The following ADAM12 variants were observed in gnomAD, a reference collection of about 807,000 sequenced individuals.
ADAM12 encodes the protein ADAM metallopeptidase domain 12.
A neutral mutation model predicts 106.4 loss-of-function variants in ADAM12; 70 were observed. The ratio of observed to expected loss-of-function variants is 0.66; its 90% CI spans 0.54 to 0.80. ADAM12 has a LOEUF of 0.80. Among genes scored for constraint, ADAM12 ranks in the 30% least tolerant of loss-of-function variants. The pLI is 0.00. For synonymous variants in ADAM12, 420 were observed against 433.5 expected, an observed-to-expected ratio of 0.97 and a Z score of 0.39; for missense variants, 1,010 against 1,171.9, an observed-to-expected ratio of 0.86 and a Z score of 2.02.
At chr10:126,197,219 G>A (rs1957613375) in intron 3 of ADAM12, among the ~76,000 whole-genome samples, 1 of 152,214 alleles carries the variant, frequency 6.6e-6, no homozygotes, top group African/African-American at 2.4e-5. Flanking sequence ...TGGTTGGAAA[G>A]GGCACTGACT....
chr10:126,220,141 A>C (rs1190441823), intron 3 of ADAM12, among the ~76,000 whole-genome samples: 1 of 152,154 alleles, frequency 6.6e-6, no homozygotes, highest in Non-Finnish European at 1.5e-5. Flanking sequence ...GGAAGCCTCC[A>C]CTCTTCAGAG....
At chr10:126,192,066 C>T (rs7896840) in intron 3 of ADAM12, among the ~76,000 whole-genome samples, 41,212 of 151,974 alleles carry the variant, frequency 0.27, 7,322 homozygotes, top group East Asian at 0.51. Context: ...TGCCCCCGGC[C>T]CCATCCAATC....
intron 12 of ADAM12, among the ~76,000 whole-genome samples, chr10:126,067,357 T>C (rs1954892682): frequency 6.6e-6 from 1 of 152,248 alleles, no homozygotes; most frequent in Non-Finnish European, 1.5e-5. Context: ...TTGTCTGGCC[T>C]GACAATTCCA....
At chr10:126,221,179 T>A (rs1321773106) in intron 3 of ADAM12, among the ~76,000 whole-genome samples, 3 of 151,344 alleles carry the variant, frequency 2.0e-5, no homozygotes, top group Non-Finnish European at 4.4e-5. Flanking sequence ...AGGTCAGGAG[T>A]TCGAGACCAG....
chr10:126,079,188 C>T (rs1955161976), intron 11 of ADAM12, among the ~76,000 whole-genome samples: 1 of 152,126 alleles, frequency 6.6e-6, no homozygotes, highest in Non-Finnish European at 1.5e-5. Flanking sequence ...ACATAAAATT[C>T]ATCCTTTAAG....
chr10:126,214,066 A>G (rs142690883), intron 3 of ADAM12, among the ~76,000 whole-genome samples: 3 of 152,380 alleles, frequency 2.0e-5, no homozygotes, highest in African/African-American at 7.2e-5. Flanking sequence ...GACACTGGAA[A>G]CCACTATAAT....
chr10:126,098,543 G>A lies in ADAM12; in HGVS notation c.912-43C>T, dbSNP rs768699279. On this transcript the variant is annotated intron_variant, in intron 9 of 22. Transcript: ENST00000448723. The stretch of plus-strand genomic sequence containing the variant: ...GGACTTTCTTTAATCAAATTAGAAC[G>A]GGGGCATTCTCTAATATTTAAAAAT... The A allele has an allele frequency of 6.7e-5, 101 of 1,505,040 alleles. 2 individuals are homozygous for A. Among genetic ancestry groups the A allele is most frequent in the South Asian group, 5.0e-4 (44 of 88,028 alleles). 93.2% of individuals were successfully genotyped at this position (1,505,040 alleles called of 1,614,324 possible). A position where few individuals can be genotyped will look rare whatever the true frequency, so the allele number is the denominator to read the frequency against.
chr10:126,117,893 T>G (rs80091225), intron 6 of ADAM12, 145 bp downstream of exon 6: 1 of 157,558 alleles, frequency 6.3e-6, no homozygotes, highest in Non-Finnish European at 1.0e-5. Context: ...GTATAATGTC[T>G]ACCACCTCCA....
chr10:126,374,576 T>G (rs1242444143), intron 1 of ADAM12, among the ~76,000 whole-genome samples: 1 of 152,096 alleles, frequency 6.6e-6, no homozygotes, highest in Non-Finnish European at 1.5e-5. Flanking sequence ...AAATGTGAAG[T>G]CAATAGACAG....
chr10:126,215,879 A>C (rs569431474), intron 3 of ADAM12, among the ~76,000 whole-genome samples: 1 of 152,188 alleles, frequency 6.6e-6, no homozygotes, highest in Non-Finnish European at 1.5e-5. Context: ...AAATGGCATC[A>C]ATATTTTGAC....
chr10:126,038,327 G>A lies in ADAM12; in HGVS notation c.2263C>T (p.Pro755Ser). The A allele has an allele frequency of 1.2e-6, 2 of 1,605,486 alleles. No individual in the cohort carries two copies. Among genetic ancestry groups the A allele is most frequent in the South Asian group, 1.1e-5 (1 of 89,970 alleles). ...KLRCVRPSRP[P>S]RGFQPCQAHL... ...GCCTGACAGGGTTGGAAGCCACGGG[G>A]TGGCCGGGAAGGGCGCACACACCTG... The change falls in exon 20 of 23, where the codon CCC becomes TCC. Residue 755 changes from proline to serine, a missense_variant. By Grantham distance (74) the Pro-to-Ser change is moderately conservative. Around this residue, in one of 3 missense-constraint regions of ADAM12, gnomAD observed 615 missense variants for 708.5 expected, o/e 0.87. Transcript: ENST00000448723.
intron 3 of ADAM12, among the ~76,000 whole-genome samples, chr10:126,184,692 T>C (rs1331490305): frequency 2.6e-5 from 4 of 152,180 alleles, no homozygotes; most frequent in Non-Finnish European, 5.9e-5. Context: ...CACGCTTCAG[T>C]TCTGTCTCTT....
intron 14 of ADAM12, among the ~76,000 whole-genome samples, chr10:126,052,654 CAA>C (rs770474841): frequency 2.0e-5 from 3 of 151,956 alleles, no homozygotes; most frequent in Non-Finnish European, 2.9e-5. Context: ...AGGATAAAAA[CAA>C]AGAGAGGAAG....
chr10:126,132,045 G>A (rs1361363375), intron 5 of ADAM12, among the ~76,000 whole-genome samples: 2 of 151,140 alleles, frequency 1.3e-5, no homozygotes, highest in East Asian at 2.0e-4. Context: ...GTACAATCTC[G>A]GCTCACTGCA....
At position 126,049,316 on chromosome 10, in the gene ADAM12, G is replaced by T; in HGVS notation, c.1854C>A (p.Tyr618Ter). ...GRILCRGTHV[Y>*]LGDDMPDPGL... ...CTGGGTCCGGCATGTCATCGCCCAA[G>T]TACACGTGGGTCCCCCGGCACAGAA... Residue 618 changes from tyrosine to a stop codon, truncating the protein, a stop_gained, in exon 16 of 23, where the codon TAC (tyrosine) becomes TAA (stop). Transcript: ENST00000448723. LOFTEE classifies it high-confidence loss of function. The surrounding 1 kb of genome is among the most constrained non-coding windows in gnomAD (Gnocchi z 4.4). 1 of 1,614,252 alleles carries T rather than the reference G, an allele frequency of 6.2e-7. No homozygotes were observed. The highest frequency in any genetic ancestry group is 8.5e-7 in the Non-Finnish European group (1 of 1,180,050).
chr10:126,354,030 C>T (rs1478234458), intron 1 of ADAM12, among the ~76,000 whole-genome samples: 2 of 140,672 alleles, frequency 1.4e-5, no homozygotes, highest in African/African-American at 5.1e-5. Context: ...ATAATGTTAA[C>T]AAGCTTTTTT....
At position 126,094,071 on chromosome 10, in the gene ADAM12, G is replaced by A. The variant is rs778190289; in HGVS notation, c.1059C>T (p.Phe353=). The change falls in exon 11 of 23, where the codon TTC becomes TTT. Residue 353 remains phenylalanine, a synonymous_variant. Transcript: ENST00000448723. Reference sequence around the variant, plus strand: ...TGTCCAGTGTGTCATGATTCATCCCGAAATTGTGGCCCAGCTCATGTGCCA... The same window carrying A: ...TGTCCAGTGTGTCATGATTCATCCCAAAATTGTGGCCCAGCTCATGTGCCA... ...VTLAHELGHN[F]GMNHDTLDRG... is the part of the protein sequence containing the mutation. 57 of 1,613,996 alleles carry A rather than the reference G, an allele frequency of 3.5e-5. No individual in the cohort carries two copies. The highest frequency in any genetic ancestry group is 4.6e-5 in the Non-Finnish European group (54 of 1,180,028).
chr10:126,193,977 A>T (rs890178595), intron 3 of ADAM12, among the ~76,000 whole-genome samples: 14 of 150,212 alleles, frequency 9.3e-5, no homozygotes, highest in Non-Finnish European at 2.9e-5. Flanking sequence ...TGAGAAACCA[A>T]AGTTGAGGGG....
chr10:126,066,747 G>A lies in ADAM12; in HGVS notation c.1383C>T (p.Cys461=), dbSNP rs769540794. The change falls in exon 13 of 23, where the codon TGC becomes TGT. Residue 461 remains cysteine (C), a synonymous_variant. Coordinates refer to ENST00000448723, the MANE Select transcript of ADAM12 (RefSeq NM_001288973.2). The surrounding 1 kb of genome is among the most constrained non-coding windows in gnomAD (Gnocchi z 5.1). ...AGTCTTCACAGCACAGCCCATGTGC[G>A]CACACAGCGTCCGGCTTCAGGGTAC... ...TTCTLKPDAV[C]AHGLCCEDCQ... is the part of the protein sequence containing the mutation. The A allele has an allele frequency of 1.2e-5, 20 of 1,614,202 alleles. No homozygotes were observed. Among genetic ancestry groups the A allele is most frequent in the South Asian group, 2.2e-5 (2 of 91,088 alleles).
Sources: allele counts gnomAD v4.1 joint callset (sites outside exome capture counted in the v4.1 genomes callset), GRCh38; gene constraint gnomAD v4.1.1; regional missense constraint gnomAD v4.1.1; non-coding constraint Gnocchi (gnomAD v3.1); transcripts MANE v1.5; gene names NCBI Gene and HGNC (gene_info 2026-07-23, HGNC 2026-07-21).